The following MARK2 variants were observed in gnomAD, a reference collection of about 807,000 sequenced individuals.
The protein encoded by MARK2 is microtubule affinity regulating kinase 2, also known as serine/threonine-protein kinase MARK2.
Under a neutral mutation model 89.8 loss-of-function variants are expected in MARK2, and 16 were observed. That is an observed-to-expected ratio of 0.18 (90% CI 0.12 to 0.27). MARK2 has a LOEUF of 0.27. MARK2 is among the 10% of genes least tolerant of loss of function. The pLI is 1.00. For synonymous variants in MARK2, 382 were observed against 399.5 expected (o/e 0.96, Z 0.52); for missense variants, 621 against 1,049.9 (o/e 0.59, Z 5.65).
Position 63,898,249 on chromosome 11 carries a change from A to G in MARK2, c.306A>G (p.Arg102=), listed in dbSNP as rs1940581394. Reference sequence around the variant, plus strand: ...TCTTCCAGCTATTCCGCGAAGTAAGAATAATGAAGGTTTTGAATCATCCCA... The same window carrying G: ...TCTTCCAGCTATTCCGCGAAGTAAGGATAATGAAGGTTTTGAATCATCCCA... ...SSLQKLFREV[R]IMKVLNHPNI... Residue 102 remains arginine (R), a synonymous_variant, in exon 4 of 19, where the codon AGA becomes AGG. Coordinates refer to ENST00000402010, the MANE Select transcript of MARK2 (RefSeq NM_001039469.3). 1.2e-6 allele frequency: 2 copies of G among 1,614,108 alleles called. No homozygotes were observed. Among genetic ancestry groups the G allele is most frequent in the Non-Finnish European group, 8.5e-7 (1 of 1,179,940 alleles).
intron 1 of MARK2, among the ~76,000 whole-genome samples, chr11:63,860,581 A>G (rs1486413453): frequency 2.2e-5 from 3 of 134,916 alleles, no homozygotes; most frequent in Non-Finnish European, 4.8e-5. Flanking sequence ...TAAAAAAGCC[A>G]GGCACAGTGG....
At chr11:63,905,265 C>G (rs1392028002) in intron 16 of MARK2, among the ~76,000 whole-genome samples, 2 of 152,292 alleles carry the variant, frequency 1.3e-5, no homozygotes, top group African/African-American at 2.4e-5. Flanking sequence ...TCACAGGCAC[C>G]CCTCATTCTC....
intron 11 of MARK2, 143 bp downstream of exon 11, chr11:63,901,212 C>CG: frequency 1.5e-6 from 1 of 646,038 alleles, no homozygotes; most frequent in Non-Finnish European, 2.8e-6. Flanking sequence ...GCTTTGGTGT[C>CG]TAAGGTCCTC....
At chr11:63,858,218 G>C (rs1027532349) in intron 1 of MARK2, among the ~76,000 whole-genome samples, 3 of 151,940 alleles carry the variant, frequency 2.0e-5, no homozygotes, top group South Asian at 2.1e-4. Flanking sequence ...GTAGAGACAG[G>C]GTTTTGCCAT....
At chr11:63,908,212 G>A (rs1231400296) in intron 17 of MARK2, 48 bp from the exon 18 acceptor site, 2 of 1,520,826 alleles carry the variant, frequency 1.3e-6, no homozygotes, top group Non-Finnish European at 1.8e-6. Context: ...GGCGGCGGAA[G>A]GAGCGAGAGA....
At chr11:63,907,147 G>A (rs368607558) in intron 17 of MARK2, among the ~76,000 whole-genome samples, 1 of 152,200 alleles carries the variant, frequency 6.6e-6, no homozygotes, top group Admixed American at 6.5e-5. Context: ...TGTCTGCTCA[G>A]GCCCTGCATT....
At position 63,861,752 on chromosome 11, in the gene MARK2, T is replaced by TA. The variant is rs1260434047; in HGVS notation, c.54+22192_54+22193insA. ...TAACTCATTTACTCTTTTTTTTTTTTTTTTTTGAGACAGAGTCTCGCTCTT... is the reference window on the plus strand; with the variant it reads ...TAACTCATTTACTCTTTTTTTTTTTTATTTTTTGAGACAGAGTCTCGCTCTT... On this transcript the variant is annotated intron_variant, in intron 1 of 18. Coordinates refer to ENST00000402010, the MANE Select transcript of MARK2 (RefSeq NM_001039469.3). Among the ~76,000 whole-genome samples the TA allele has an allele frequency of 8.6e-5, 13 of 150,856 alleles. No individual in the cohort carries two copies. In the South Asian group the frequency reaches 1.5e-3, roughly 17 times the overall value.
intron 1 of MARK2, among the ~76,000 whole-genome samples, chr11:63,888,270 C>T (rs1347411853): frequency 6.6e-6 from 1 of 152,168 alleles, no homozygotes; most frequent in Non-Finnish European, 1.5e-5. Flanking sequence ...TGGTCTTTGG[C>T]AGGGCCGCCA....
intron 1 of MARK2, among the ~76,000 whole-genome samples, chr11:63,845,327 G>A (rs1479273783): frequency 6.6e-6 from 1 of 152,176 alleles, no homozygotes; most frequent in Non-Finnish European, 1.5e-5. Flanking sequence ...CAAAAATTGA[G>A]AAGGATGTGG....
Position 63,839,227 on chromosome 11 carries a change from G to A in MARK2, c.-280G>A. 4.3e-6 allele frequency: 1 copy of A among 232,194 alleles called. No individual in the cohort carries two copies. Among genetic ancestry groups the A allele is most frequent in the Non-Finnish European group, 8.2e-6 (1 of 121,958 alleles). 14.4% of individuals were successfully genotyped at this position (232,194 alleles called of 1,614,324 possible). A position where few individuals can be genotyped will look rare whatever the true frequency, so the allele number is the denominator to read the frequency against. On this transcript the variant is annotated 5_prime_UTR_variant, in exon 1 of 19. Coordinates refer to ENST00000402010, the MANE Select transcript of MARK2 (RefSeq NM_001039469.3). Reference sequence around the variant, plus strand: ...GCGAGGCAGGCGGCCGGCTGCGGCGGCAGAGAGTAGGCGGAGCGGCGCGGC... The same window carrying A: ...GCGAGGCAGGCGGCCGGCTGCGGCGACAGAGAGTAGGCGGAGCGGCGCGGC...
chr11:63,847,088 A>C (rs1474695657), intron 1 of MARK2, among the ~76,000 whole-genome samples: 1 of 152,208 alleles, frequency 6.6e-6, no homozygotes, highest in Non-Finnish European at 1.5e-5. Flanking sequence ...ATGCCACTGC[A>C]TTCCAGCCTG....
At chr11:63,895,819 G>A (rs1018118556) in intron 3 of MARK2, among the ~76,000 whole-genome samples, 186 bp downstream of exon 3, 13 of 151,638 alleles carry the variant, frequency 8.6e-5, no homozygotes, top group African/African-American at 1.9e-4. Context: ...ATAGGCACCC[G>A]CCACCACACC....
intron 1 of MARK2, among the ~76,000 whole-genome samples, chr11:63,872,292 C>T (rs1172674396): frequency 1.3e-5 from 2 of 152,190 alleles, no homozygotes; most frequent in Non-Finnish European, 2.9e-5. Context: ...GACTAGATTG[C>T]ACAACACAGC....
At chr11:63,898,566 C>T (rs1940611192) in intron 4 of MARK2, 42 bp from the exon 5 acceptor site, 2 of 1,473,848 alleles carry the variant, frequency 1.4e-6, no homozygotes, top group Non-Finnish European at 1.9e-6. Context: ...GTATGTGGCC[C>T]CTGTTGCTTC....
chr11:63,841,669 C>G (rs1379708273), intron 1 of MARK2, among the ~76,000 whole-genome samples: 1 of 152,228 alleles, frequency 6.6e-6, no homozygotes, highest in African/African-American at 2.4e-5. Flanking sequence ...GGCCAAGTGA[C>G]TGACTGGCAC....
chr11:63,850,315 A>ATTTTTTTTTT (rs34074167), intron 1 of MARK2, among the ~76,000 whole-genome samples: 1,982 of 95,694 alleles, frequency 0.021, no homozygotes, highest in Non-Finnish European at 0.029. Flanking sequence ...TACCTGGCTA[A>ATTTTTTTTTT]TTTTTTTTTT....
intron 1 of MARK2, among the ~76,000 whole-genome samples, chr11:63,884,252 A>G (rs928298318): frequency 6.6e-6 from 1 of 152,268 alleles, no homozygotes; most frequent in African/African-American, 2.4e-5. Flanking sequence ...GTTGCTCAGT[A>G]GAATCTAGTT....
In MARK2 at chr11:63,903,126, C is replaced by T. The variant is rs55877937; in HGVS notation, c.1482C>T (p.Leu494=). Residue 494 remains leucine (L), a synonymous_variant, in exon 14 of 19, where the codon CTC becomes CTT. Coordinates refer to ENST00000402010, the MANE Select transcript of MARK2 (RefSeq NM_001039469.3). This position sits in a 1 kb window ranked among gnomAD's most constrained non-coding sequence, Gnocchi z 5.1. ...CCCCACTTTTGGAGCGGGCCAGCCT[C>T]GGCCAGGCCTCCATCCAGAATGGCA... is the stretch of plus-strand genomic sequence containing the variant. The part of the protein sequence containing the change: ...RNSPLLERAS[L]GQASIQNGKD... 2,889 of 1,613,922 alleles carry T rather than the reference C, an allele frequency of 1.8e-3. 11 individuals are homozygous for T. The highest frequency in any genetic ancestry group is 2.2e-3 in the Non-Finnish European group (2,627 of 1,179,982).
chr11:63,892,092 T>G lies in MARK2; in HGVS notation c.55-3067T>G, dbSNP rs564247884. ...CAGAGCACCAGAGAGCTCTGTGGGC[T>G]GGAATGAGCAGACAATAAGAGCTGG... On this transcript the variant is annotated intron_variant, in intron 1 of 18. Coordinates refer to ENST00000402010, the MANE Select transcript of MARK2 (RefSeq NM_001039469.3). Among the ~76,000 whole-genome samples the G allele has an allele frequency of 5.9e-5, 9 of 152,312 alleles. No individual in the cohort carries two copies. In the South Asian group the frequency reaches 1.9e-3, roughly 32 times the overall value.
Sources: gnomAD v4.1 joint callset for allele counts (sites outside exome capture counted in the v4.1 genomes callset) on GRCh38, gnomAD v4.1.1 for gene constraint, Gnocchi (gnomAD v3.1) non-coding constraint, MANE v1.5 for transcripts, NCBI Gene and HGNC (gene_info 2026-07-23, HGNC 2026-07-21) for gene names.